Variants in C1orf198 observed in about 807,000 individuals in gnomAD.
C1orf198 encodes the protein chromosome 1 open reading frame 198.
In C1orf198, 17 loss-of-function variants were observed where a neutral mutation model predicts 31.4. The ratio of observed to expected loss-of-function variants is 0.54; its 90% CI spans 0.37 to 0.81. C1orf198 has a LOEUF of 0.81. Ranked by LOEUF, C1orf198 falls within the 40% of genes least tolerant of loss-of-function variation. C1orf198 has a pLI of 0.00. For synonymous variants in C1orf198, 175 were observed against 193.8 expected, an observed-to-expected ratio of 0.90 and a Z score of 0.81; for missense variants, 401 against 450.3, an observed-to-expected ratio of 0.89 and a Z score of 0.99.
intron 1 of C1orf198, 153 bp from the exon 2 acceptor site, chr1:230,855,871 C>T (rs994637273): frequency 2.8e-5 from 41 of 1,452,250 alleles, no homozygotes; most frequent in African/African-American, 9.9e-5. Context: ...CAATATAATG[C>T]GCTGACCGTC....
Position 230,843,319 on chromosome 1 carries a change from TC to T in C1orf198, c.927+34del. The T allele has an allele frequency of 6.5e-7, 1 of 1,547,806 alleles. No individual in the cohort carries two copies. The highest frequency in any genetic ancestry group is 2.0e-5 in the Admixed American group (1 of 50,556). The stretch of plus-strand genomic sequence containing the variant: ...TCGGTTCCCGTGGAATAAGGCACCA[TC>T]CCATCTGAGGACGCGCTGGTAAAGG... On this transcript the variant is annotated intron_variant, in intron 3 of 3. Coordinates refer to ENST00000366663, the MANE Select transcript of C1orf198 (RefSeq NM_032800.3). The surrounding 1 kb of genome is among the most constrained non-coding windows in gnomAD (Gnocchi z 4.9).
In C1orf198 at chr1:230,840,348, G is replaced by A. The variant is rs926308184; in HGVS notation, c.928-440C>T. Among the ~76,000 whole-genome samples the A allele has an allele frequency of 1.3e-5, 2 of 152,198 alleles. No individual in the cohort carries two copies. The highest frequency in any genetic ancestry group is 4.8e-5 in the African/African-American group (2 of 41,444). On this transcript the variant is annotated intron_variant, in intron 3 of 3. Coordinates refer to ENST00000366663, the MANE Select transcript of C1orf198 (RefSeq NM_032800.3). The surrounding 1 kb of genome is among the most constrained non-coding windows in gnomAD (Gnocchi z 4.0). ...TTGTAAAGTTGAGAAAGTAAACATAGTGTGGAAAGAATGTGAAGCTTATTT... is the reference window on the plus strand; with the variant it reads ...TTGTAAAGTTGAGAAAGTAAACATAATGTGGAAAGAATGTGAAGCTTATTT...
rs1669412790 is a variant in C1orf198, at chr1:230,840,542, G to T, written c.928-634C>A. On this transcript the variant is annotated intron_variant, in intron 3 of 3. Transcript: ENST00000366663. This position sits in a 1 kb window ranked among gnomAD's most constrained non-coding sequence, Gnocchi z 4.0. ...AATGTCATTCTTCTTTCAGGGGAAAGGGCTTAACTGACAGGTCCCCTCTTG... is the reference window on the plus strand; with the variant it reads ...AATGTCATTCTTCTTTCAGGGGAAATGGCTTAACTGACAGGTCCCCTCTTG... 6.6e-6 allele frequency among the ~76,000 whole-genome samples: 1 copy of T among 152,196 alleles called. No individual in the cohort carries two copies. The highest frequency in any genetic ancestry group is 1.5e-5 in the Non-Finnish European group (1 of 68,040).
At chr1:230,866,492 A>C (rs183801476) in intron 1 of C1orf198, among the ~76,000 whole-genome samples, 1 of 152,364 alleles carries the variant, frequency 6.6e-6, no homozygotes, top group East Asian at 1.9e-4. Flanking sequence ...GAAACGGCTC[A>C]GTCTGGCACC....
At chr1:230,866,970 T>C (rs528332924) in intron 1 of C1orf198, among the ~76,000 whole-genome samples, 1 of 152,356 alleles carries the variant, frequency 6.6e-6, no homozygotes, top group South Asian at 2.1e-4. Flanking sequence ...CATTTCACTT[T>C]TCCCTCACAT....
Position 230,857,988 on chromosome 1 carries a change from G to A in C1orf198, c.334-2270C>T, listed in dbSNP as rs1311551653. Among the ~76,000 whole-genome samples the A allele has an allele frequency of 6.6e-6, 1 of 152,210 alleles. No individual in the cohort carries two copies. Among genetic ancestry groups the A allele is most frequent in the Admixed American group, 6.5e-5 (1 of 15,280 alleles). Reference sequence around the variant, plus strand: ...GATTGGTATGCAGTGCCTCATGGCTGTCAAGCAAAACCTTTAAAAATGAGA... The same window carrying A: ...GATTGGTATGCAGTGCCTCATGGCTATCAAGCAAAACCTTTAAAAATGAGA... On this transcript the variant is annotated intron_variant, in intron 1 of 3. Coordinates refer to ENST00000366663, the MANE Select transcript of C1orf198 (RefSeq NM_032800.3). The surrounding 1 kb of genome is among the most constrained non-coding windows in gnomAD (Gnocchi z 4.2).
chr1:230,846,287 G>A (rs1669586520), intron 2 of C1orf198, among the ~76,000 whole-genome samples: 1 of 152,206 alleles, frequency 6.6e-6, no homozygotes, highest in African/African-American at 2.4e-5. Context: ...TTTAGTCACT[G>A]AGTATAATAA....
chr1:230,843,622 T>C lies in C1orf198; in HGVS notation c.659A>G (p.Lys220Arg). The stretch of plus-strand genomic sequence containing the variant: ...GCAGGGAGGCAAGACCTTTTCCCCC[T>C]TCTCCATGGACTTGATCTGGCTAGG... Reference protein sequence around the residue: ...LTPSQIKSMEKGEKVLPPCYR... With the variant: ...LTPSQIKSMERGEKVLPPCYR... The change falls in exon 3 of 4, where the codon AAG becomes AGG. Residue 220 changes from lysine (K) to arginine (R), a missense_variant. By Grantham distance (26) the Lys-to-Arg change is conservative. Transcript: ENST00000366663. This position sits in a 1 kb window ranked among gnomAD's most constrained non-coding sequence, Gnocchi z 4.9. The C allele has an allele frequency of 6.2e-7, 1 of 1,614,198 alleles. No homozygotes were observed. Among genetic ancestry groups the C allele is most frequent in the Non-Finnish European group, 8.5e-7 (1 of 1,180,024 alleles).
rs35238992 is a variant in C1orf198, at chr1:230,843,501, G to A, written c.780C>T (p.Thr260=). The A allele has an allele frequency of 0.015, 24,639 of 1,612,196 alleles. 2,845 individuals carry two copies. In the African/African-American group the frequency reaches 0.27, roughly 17 times the overall value. Residue 260 remains threonine, a synonymous_variant, in exon 3 of 4, where the codon ACC becomes ACT. Coordinates refer to ENST00000366663, the MANE Select transcript of C1orf198 (RefSeq NM_032800.3). The surrounding 1 kb of genome is among the most constrained non-coding windows in gnomAD (Gnocchi z 4.9). The part of the protein sequence containing the change: ...QEQRPLPNVS[T]ERERPQPVQA... ...GGACAGGCTGGGGTCTCTCACGTTC[G>A]GTGCTCACGTTGGGAAGAGGACGCT...
chr1:230,855,864 T>A lies in C1orf198; in HGVS notation c.334-146A>T. 2.0e-6 allele frequency: 3 copies of A among 1,469,702 alleles called. No homozygotes were observed. The South Asian group carries it at 4.7e-5, about 23-fold the overall frequency. 91.0% of individuals were successfully genotyped at this position (1,469,702 alleles called of 1,614,324 possible). On this transcript the variant is annotated intron_variant, in intron 1 of 3. Coordinates refer to ENST00000366663, the MANE Select transcript of C1orf198 (RefSeq NM_032800.3). ...AAGCCTGATGCTTTGACACTCTCAA[T>A]ATAATGCGCTGACCGTCTTGATCAG...
Position 230,868,262 on chromosome 1 carries a change from T to A in C1orf198, c.251A>T (p.Asp84Val). The A allele has an allele frequency of 6.3e-7, 1 of 1,575,770 alleles. No individual in the cohort carries two copies. The highest frequency in any genetic ancestry group is 8.6e-7 in the Non-Finnish European group (1 of 1,163,382). ...LVGPRAPAPRDPGDSEELTRF... is the reference protein window; with the variant it reads ...LVGPRAPAPRVPGDSEELTRF... ...CGTGAGCTCCTCCGAGTCCCCGGGG[T>A]CTCGGGGCGCCGGGGCGCGCGGCCC... The change falls in exon 1 of 4, where the codon GAC (aspartate) becomes GTC (valine). Residue 84 changes from aspartate to valine, a missense_variant. Asp to Val is a radical substitution (Grantham distance 152, BLOSUM62 -3). Coordinates refer to ENST00000366663, the MANE Select transcript of C1orf198 (RefSeq NM_032800.3).
At position 230,857,169 on chromosome 1, in the gene C1orf198, G is replaced by GCAGC. The variant is rs1186671542; in HGVS notation, c.334-1455_334-1452dup. ...ATAACGAAGGCATGCCAGGGTCTGG[G>GCAGC]CAGCTGAAGGCCTATTCCCAAGAAG... is the stretch of plus-strand genomic sequence containing the variant. On this transcript the variant is annotated intron_variant, in intron 1 of 3. Coordinates refer to ENST00000366663, the MANE Select transcript of C1orf198 (RefSeq NM_032800.3). This position sits in a 1 kb window ranked among gnomAD's most constrained non-coding sequence, Gnocchi z 4.2. 6.6e-6 allele frequency among the ~76,000 whole-genome samples: 1 copy of GCAGC among 152,140 alleles called. No homozygotes were observed. Among genetic ancestry groups the GCAGC allele is most frequent in the Non-Finnish European group, 1.5e-5 (1 of 68,024 alleles).
chr1:230,866,961 A>G (rs1401989337), intron 1 of C1orf198, among the ~76,000 whole-genome samples: 1 of 152,192 alleles, frequency 6.6e-6, no homozygotes, highest in African/African-American at 2.4e-5. Flanking sequence ...TCCTTCAGTC[A>G]TTTCACTTTT....
At chr1:230,848,008 G>A (rs1300940128) in intron 2 of C1orf198, among the ~76,000 whole-genome samples, 1 of 152,236 alleles carries the variant, frequency 6.6e-6, no homozygotes, top group Non-Finnish European at 1.5e-5. Context: ...GCCAGTCACA[G>A]TGGTTCCTGG....
intron 3 of C1orf198, among the ~76,000 whole-genome samples, chr1:230,842,556 A>G (rs1669468706): frequency 6.6e-6 from 1 of 152,178 alleles, no homozygotes; most frequent in African/African-American, 2.4e-5. Context: ...ATGCAAAGGC[A>G]TAAGAATGAC....
At chr1:230,845,432 C>A (rs995619276) in intron 2 of C1orf198, among the ~76,000 whole-genome samples, 2 of 151,296 alleles carry the variant, frequency 1.3e-5, no homozygotes, top group African/African-American at 4.9e-5. Flanking sequence ...GCCTGTAATC[C>A]CAGCATTTTG....
intron 1 of C1orf198, 34 bp downstream of exon 1, chr1:230,868,146 G>A (rs1225037755): frequency 8.8e-6 from 12 of 1,370,224 alleles, no homozygotes; most frequent in African/African-American, 1.5e-5. Context: ...GGCGCCGGGA[G>A]GGGAAGAGGG....
At chr1:230,865,159 CTG>C (rs1249749423) in intron 1 of C1orf198, among the ~76,000 whole-genome samples, 2 of 152,234 alleles carry the variant, frequency 1.3e-5, no homozygotes, top group Non-Finnish European at 2.9e-5. Context: ...GCCATTGGTT[CTG>C]CCACCAGACT....
intron 3 of C1orf198, among the ~76,000 whole-genome samples, chr1:230,841,923 T>C (rs1669453867): frequency 6.6e-6 from 1 of 152,208 alleles, no homozygotes; most frequent in South Asian, 2.1e-4. Context: ...ATACACAAAA[T>C]GTGGTCTAAC....
Sources: gnomAD v4.1 joint callset for allele counts (sites outside exome capture counted in the v4.1 genomes callset) on GRCh38, gnomAD v4.1.1 for gene constraint, Gnocchi (gnomAD v3.1) non-coding constraint, MANE v1.5 for transcripts, NCBI Gene and HGNC (gene_info 2026-07-23, HGNC 2026-07-21) for gene names.